The following ATXN7L1 variants were observed in gnomAD, a reference collection of about 807,000 sequenced individuals.
ATXN7L1 encodes ataxin 7 like 1.
ATXN7L1 carries 15 observed loss-of-function variants against 70.8 expected under a neutral mutation model. The ratio of observed to expected loss-of-function variants is 0.21; its 90% CI spans 0.14 to 0.33. The LOEUF is 0.33. ATXN7L1 is among the 10% of genes least tolerant of loss of function. ATXN7L1 has a pLI of 1.00. For missense variants in ATXN7L1, 975 were observed against 1,097.1 expected (o/e 0.89, Z 1.57); for synonymous variants, 440 against 445.1 (o/e 0.99, Z 0.14).
intron 2 of ATXN7L1, among the ~76,000 whole-genome samples, chr7:105,837,140 TTCAC>T (rs1812508399): frequency 6.6e-6 from 1 of 151,900 alleles, no homozygotes; most frequent in Non-Finnish European, 1.5e-5. Flanking sequence ...AGAGCGTGAG[TTCAC>T]TTATCACCAA....
In ATXN7L1 at chr7:105,613,649, T is replaced by G. The variant is rs868622354; in HGVS notation, c.2472+213A>C. ...ACTCAGTGAGGTAATAACCGTAAAG[T>G]GCCGAGAACAGTGTCTAGCACATAG... On this transcript the variant is annotated intron_variant, in intron 10 of 11. Transcript: ENST00000419735. 4.2e-6 allele frequency: 6 copies of G among 1,423,644 alleles called. No individual in the cohort carries two copies. In the African/African-American group the frequency reaches 5.8e-5, roughly 14 times the overall value. 88.2% of individuals were successfully genotyped at this position (1,423,644 alleles called of 1,614,324 possible). A position where few individuals can be genotyped will look rare whatever the true frequency, so the allele number is the denominator to read the frequency against.
At chr7:105,657,702 C>CAAAAA (rs71155465) in intron 4 of ATXN7L1, among the ~76,000 whole-genome samples, 477 of 25,850 alleles carry the variant, frequency 0.018, 21 homozygotes, top group Non-Finnish European at 0.023. Flanking sequence ...GACCCTGTCT[C>CAAAAA]AAAAAAAAAA....
chr7:105,682,947 T>G (rs1805723727), intron 3 of ATXN7L1, among the ~76,000 whole-genome samples: 1 of 152,218 alleles, frequency 6.6e-6, no homozygotes, highest in African/African-American at 2.4e-5. Flanking sequence ...TTTTGTGAAT[T>G]TCATCCAAAT....
At chr7:105,846,766 C>T (rs531330800) in intron 2 of ATXN7L1, among the ~76,000 whole-genome samples, 1 of 152,342 alleles carries the variant, frequency 6.6e-6, no homozygotes, top group South Asian at 2.1e-4. Context: ...CAGTGGAATA[C>T]TGTTCAGCTA....
chr7:105,692,351 T>C (rs1483162509), intron 3 of ATXN7L1, among the ~76,000 whole-genome samples: 1 of 151,962 alleles, frequency 6.6e-6, no homozygotes, highest in Non-Finnish European at 1.5e-5. Flanking sequence ...GAAAGGGACA[T>C]GCTGGATGAA....
intron 3 of ATXN7L1, among the ~76,000 whole-genome samples, chr7:105,704,472 A>G (rs1774323399): frequency 6.6e-6 from 1 of 152,184 alleles, no homozygotes; most frequent in Admixed American, 6.5e-5. Flanking sequence ...TAACAGGCTA[A>G]TAGTAAAAAC....
At chr7:105,729,163 C>A (rs1278984266) in intron 3 of ATXN7L1, among the ~76,000 whole-genome samples, 1 of 151,972 alleles carries the variant, frequency 6.6e-6, no homozygotes, top group Non-Finnish European at 1.5e-5. Context: ...CCCAGTTACT[C>A]AGGAGTCTGA....
At chr7:105,705,684 G>T (rs187767497) in intron 3 of ATXN7L1, among the ~76,000 whole-genome samples, 1 of 152,102 alleles carries the variant, frequency 6.6e-6, no homozygotes, top group Non-Finnish European at 1.5e-5. Context: ...TCTGTGGCTT[G>T]GTGCACAGTG....
At chr7:105,826,234 C>T (rs1212642776) in intron 2 of ATXN7L1, among the ~76,000 whole-genome samples, 3 of 152,112 alleles carry the variant, frequency 2.0e-5, no homozygotes, top group African/African-American at 7.2e-5. Flanking sequence ...GAAAAAAGCA[C>T]ATAAAAAGTT....
intron 3 of ATXN7L1, among the ~76,000 whole-genome samples, chr7:105,732,815 G>A (rs1041660371): frequency 2.0e-5 from 3 of 152,090 alleles, no homozygotes; most frequent in African/African-American, 4.8e-5. Context: ...CTCCAGTCAC[G>A]CTGGGCTCAT....
intron 2 of ATXN7L1, among the ~76,000 whole-genome samples, chr7:105,835,138 A>T (rs1033793109): frequency 1.3e-4 from 15 of 114,170 alleles, no homozygotes; most frequent in Admixed American, 3.7e-4. Context: ...TTAATAATTT[A>T]TAAGTGTGTG....
intron 2 of ATXN7L1, among the ~76,000 whole-genome samples, chr7:105,850,048 A>G (rs541942392): frequency 6.6e-6 from 1 of 152,382 alleles, no homozygotes; most frequent in South Asian, 2.1e-4. Context: ...CTTAGAATCC[A>G]CAGTGGCTGT....
intron 9 of ATXN7L1, among the ~76,000 whole-genome samples, chr7:105,619,604 G>A (rs1468619479): frequency 7.7e-6 from 1 of 130,110 alleles, no homozygotes; most frequent in African/African-American, 2.9e-5. Context: ...CAGGCTGAGT[G>A]CAGTGGCACA....
chr7:105,813,976 A>G (rs147311452), intron 2 of ATXN7L1, among the ~76,000 whole-genome samples: 1,635 of 152,148 alleles, frequency 0.011, 97 homozygotes, highest in Admixed American at 0.089. Context: ...TTTCTTTTTA[A>G]TGCCCCTCTA....
chr7:105,856,093 A>G (rs532439370), intron 2 of ATXN7L1, among the ~76,000 whole-genome samples: 2 of 152,344 alleles, frequency 1.3e-5, no homozygotes, highest in African/African-American at 4.8e-5. Context: ...GTCACTAACA[A>G]TCAAGTGAAG....
At chr7:105,821,041 CTGT>C (rs1013874020) in intron 2 of ATXN7L1, among the ~76,000 whole-genome samples, 3 of 152,090 alleles carry the variant, frequency 2.0e-5, no homozygotes, top group African/African-American at 7.2e-5. Flanking sequence ...TTTTTTGTTG[CTGT>C]TGTTTGTTTT....
At chr7:105,830,386 A>C (rs971011703) in intron 2 of ATXN7L1, among the ~76,000 whole-genome samples, 6 of 152,254 alleles carry the variant, frequency 3.9e-5, no homozygotes, top group Non-Finnish European at 7.3e-5. Context: ...ACTGCCCCAT[A>C]CCTGTGACTA....
chr7:105,622,351 G>T (rs1213659340), intron 8 of ATXN7L1, among the ~76,000 whole-genome samples: 1 of 152,202 alleles, frequency 6.6e-6, no homozygotes, highest in Non-Finnish European at 1.5e-5. Flanking sequence ...TCAGACTCAG[G>T]AGCTGGAGGC....
In ATXN7L1 at chr7:105,669,344, G is replaced by A. The variant is rs137957475; in HGVS notation, c.356-4056C>T. On this transcript the variant is annotated intron_variant, in intron 3 of 11. Transcript: ENST00000419735. ...TGATCCGCCTGCTGGGATTACAGGT[G>A]TGAGCCACCATGCCTGGTTTCATAT... Among the ~76,000 whole-genome samples the A allele has an allele frequency of 6.1e-3, 928 of 152,194 alleles. 10 individuals carry two copies. Among genetic ancestry groups the A allele is most frequent in the African/African-American group, 0.021 (877 of 41,532 alleles).
Sources: gnomAD v4.1 joint callset for allele counts (sites outside exome capture counted in the v4.1 genomes callset) on GRCh38, gnomAD v4.1.1 for gene constraint, MANE v1.5 for transcripts, NCBI Gene and HGNC (gene_info 2026-07-23, HGNC 2026-07-21) for gene names.